Variants in STAP2 observed in about 807,000 individuals in gnomAD.
The protein encoded by STAP2 is signal-transducing adaptor protein 2.
A neutral mutation model predicts 52.7 loss-of-function variants in STAP2; 58 were observed. The observed-to-expected ratio is 1.10, with a 90% CI of 0.89 to 1.37. The LOEUF (loss-of-function observed/expected upper bound fraction) is 1.37. Ranked by LOEUF, STAP2 falls within the 40% of genes most tolerant of loss-of-function variation. The probability of loss-of-function intolerance (pLI) is 0.00; values close to 1 mark genes in which losing one functional copy is unlikely to be tolerated. For synonymous variants in STAP2, 231 were observed against 210.5 expected, an observed-to-expected ratio of 1.10 and a Z score of -0.84; for missense variants, 522 against 519.4, an observed-to-expected ratio of 1.00 and a Z score of -0.05.
In STAP2 at chr19:4,333,822, G is replaced by A. The variant is rs1971931361; in HGVS notation, c.175-6C>T. 4 of 1,613,854 alleles carry A rather than the reference G, an allele frequency of 2.5e-6. No individual in the cohort carries two copies. Among genetic ancestry groups the A allele is most frequent in the South Asian group, 2.2e-5 (2 of 91,058 alleles). On this transcript the variant is annotated splice_polypyrimidine_tract_variant and splice_region_variant and intron_variant, in intron 2 of 12. Transcript: ENST00000594605. The stretch of plus-strand genomic sequence containing the variant: ...AAGTTGAGCTTCTCCACGTGCTGGG[G>A]GCATAGAAGCAGGGGATCTGGGCAC...
intron 11 of STAP2, 125 bp from the exon 12 acceptor site, chr19:4,324,654 A>C: frequency 1.1e-6 from 1 of 927,618 alleles, no homozygotes; most frequent in South Asian, 1.5e-5. Context: ...CAACATGGTG[A>C]AACCCCTTCT....
In STAP2 at chr19:4,325,490, G is replaced by A; in HGVS notation, c.885C>T (p.Asp295=). 1 of 1,612,936 alleles carries A rather than the reference G, an allele frequency of 6.2e-7. No individual in the cohort carries two copies. Among genetic ancestry groups the A allele is most frequent in the Non-Finnish European group, 8.5e-7 (1 of 1,179,456 alleles). The change falls in exon 10 of 13, where the codon GAC becomes GAT. Residue 295 remains aspartate (D), a synonymous_variant. Transcript: ENST00000594605. ...GTAGTGGGGGCAGTGGGGGCAGCTTGTCCTGGCTAGACGCAGGTGACAGCG... is the reference window on the plus strand; with the variant it reads ...GTAGTGGGGGCAGTGGGGGCAGCTTATCCTGGCTAGACGCAGGTGACAGCG... ...PKPLSPASSQ[D]KLPPLPPLPN...
intron 9 of STAP2, among the ~76,000 whole-genome samples, chr19:4,326,427 A>C (rs1489082620): frequency 6.6e-6 from 1 of 152,102 alleles, no homozygotes; most frequent in East Asian, 1.9e-4. Context: ...AAGACCAGAC[A>C]ACCCACGCTA....
rs147865032 is a variant in STAP2, at chr19:4,336,521, C to T, written c.102+2131G>A. Among the ~76,000 whole-genome samples the T allele has an allele frequency of 4.9e-3, 750 of 151,888 alleles. 4 individuals are homozygous for T. The highest frequency in any genetic ancestry group is 0.017 in the African/African-American group (709 of 41,406). On this transcript the variant is annotated intron_variant, in intron 1 of 12. Transcript: ENST00000594605. ...GTAGAGATGGGGTTTCATCATGTGG[C>T]CAGGCTGGTCTTGAACTCCTGACCT... is the stretch of plus-strand genomic sequence containing the variant.
rs776886245 is a variant in STAP2 at position 4,327,076 on chromosome 19, C to A, written c.763+48G>T. On this transcript the variant is annotated intron_variant, in intron 8 of 12. Transcript: ENST00000594605. The stretch of plus-strand genomic sequence containing the variant: ...GCGGCCCGGTCCGTCCGAGCGGGGG[C>A]GGGAGAGGTGAGCACTGGGCCCCCG... 3 of 1,609,702 alleles carry A rather than the reference C, an allele frequency of 1.9e-6. No individual in the cohort carries two copies. In the African/African-American group the frequency reaches 4.0e-5, roughly 22 times the overall value.
In STAP2 at chr19:4,327,007, C is replaced by G. The variant is rs1199931190; in HGVS notation, c.764G>C (p.Gly255Ala). 6.4e-7 allele frequency: 1 copy of G among 1,564,504 alleles called. No individual in the cohort carries two copies. Among genetic ancestry groups the G allele is most frequent in the South Asian group, 1.2e-5 (1 of 86,584 alleles). ...ATTCTCCTTATCGGCTTCCACGTAG[C>G]CTGGAACAGAGAGGGCGGCCTGGAG... ...LLDEDYEKVL[G>A]YVEADKENGE... The change falls in exon 9 of 13, where the codon GGC becomes GCC. Residue 255 changes from glycine to alanine, a missense_variant and splice_region_variant. Coordinates refer to ENST00000594605, the MANE Select transcript of STAP2 (RefSeq NM_001013841.2).
chr19:4,329,007 G>GTTT, intron 5 of STAP2, 198 bp from the exon 6 acceptor site: 5 of 623,566 alleles, frequency 8.0e-6, no homozygotes, highest in South Asian at 2.6e-5. Context: ...GGGGTTTTTT[G>GTTT]TTTTTTTTTT....
chr19:4,328,962 G>T, intron 5 of STAP2, 153 bp from the exon 6 acceptor site: 1 of 1,069,282 alleles, frequency 9.4e-7, no homozygotes, highest in Non-Finnish European at 1.3e-6. Context: ...CTCCCACGGA[G>T]ACCCAGTCCG....
At chr19:4,334,541 C>G (rs1432162117) in intron 1 of STAP2, among the ~76,000 whole-genome samples, 1 of 146,420 alleles carries the variant, frequency 6.8e-6, no homozygotes, top group Non-Finnish European at 1.5e-5. Context: ...CACCCACCCA[C>G]CCATCCACAC....
Position 4,325,382 on chromosome 19 carries a change from T to A in STAP2, c.979+14A>T. 1.2e-6 allele frequency: 2 copies of A among 1,614,076 alleles called. No individual in the cohort carries two copies. ...CCCAACCCCCAGCTCTCAGCAGCTC[T>A]GTTCCCCACCCACCATCTTGGTTCT... On this transcript the variant is annotated intron_variant, in intron 10 of 12. Coordinates refer to ENST00000594605, the MANE Select transcript of STAP2 (RefSeq NM_001013841.2).
intron 3 of STAP2, 80 bp downstream of exon 3, chr19:4,333,614 G>A: frequency 4.6e-6 from 7 of 1,513,390 alleles, no homozygotes; most frequent in African/African-American, 1.4e-5. Flanking sequence ...CCCCTTCGTG[G>A]TTGGCACAAT....
rs568581498 is a variant in STAP2, at chr19:4,330,518, G to A, written c.355-457C>T. Among the ~76,000 whole-genome samples, 13 of 146,240 alleles carry A rather than the reference G, an allele frequency of 8.9e-5. No homozygotes were observed. The South Asian group carries it at 1.1e-3, about 12-fold the overall frequency. On this transcript the variant is annotated intron_variant, in intron 4 of 12. Coordinates refer to ENST00000594605, the MANE Select transcript of STAP2 (RefSeq NM_001013841.2). ...AGCCTGGGTGACAGAGTGAGACTCC[G>A]TTCCCCGCTCCCCAACCCCACCAAA...
At chr19:4,325,150 AAAG>A (rs1340779468) in intron 11 of STAP2, 63 bp downstream of exon 11, 113 of 1,375,268 alleles carry the variant, frequency 8.2e-5, no homozygotes, top group Non-Finnish European at 1.1e-4. Flanking sequence ...AAAAAAAAAA[AAAG>A]TCAGATGAGG....
At chr19:4,332,409 G>A (rs1971908841) in intron 3 of STAP2, among the ~76,000 whole-genome samples, 1 of 150,060 alleles carries the variant, frequency 6.7e-6, no homozygotes, top group Non-Finnish European at 1.5e-5. Context: ...GTCTCGCTTT[G>A]TTGCCAGGCT....
At position 4,324,063 on chromosome 19, in the gene STAP2, T is replaced by C. The variant is rs1177915897; in HGVS notation, c.*70A>G. On this transcript the variant is annotated 3_prime_UTR_variant, in exon 13 of 13. Transcript: ENST00000594605. The stretch of plus-strand genomic sequence containing the variant: ...ATGGGTCCTGGGGTCAGAGTTTTAA[T>C]CCTGGGAAAAAGAATCTGGCCGCTG... The C allele has an allele frequency of 1.3e-6, 2 of 1,500,522 alleles. No individual in the cohort carries two copies. Among genetic ancestry groups the C allele is most frequent in the African/African-American group, 2.8e-5 (2 of 72,008 alleles). 93.0% of individuals were successfully genotyped at this position (1,500,522 alleles called of 1,614,324 possible).
At chr19:4,329,522 C>G (rs1285280977) in intron 5 of STAP2, among the ~76,000 whole-genome samples, 1 of 151,998 alleles carries the variant, frequency 6.6e-6, no homozygotes, top group Non-Finnish European at 1.5e-5. Context: ...ACACCTAGAC[C>G]TTACCCTGGA....
chr19:4,327,395 G>A lies in STAP2; in HGVS notation c.591-10C>T. The A allele has an allele frequency of 6.2e-7, 1 of 1,614,008 alleles. No individual in the cohort carries two copies. Among genetic ancestry groups the A allele is most frequent in the East Asian group, 2.2e-5 (1 of 44,886 alleles). On this transcript the variant is annotated splice_polypyrimidine_tract_variant and intron_variant, in intron 6 of 12. Coordinates refer to ENST00000594605, the MANE Select transcript of STAP2 (RefSeq NM_001013841.2). Reference sequence around the variant, plus strand: ...CCGGACCACGTGCGTCCTGCACCAGGAGAAAGCGAGTGAGTGGCTCAGCCC... The same window carrying A: ...CCGGACCACGTGCGTCCTGCACCAGAAGAAAGCGAGTGAGTGGCTCAGCCC...
chr19:4,325,609 G>T, intron 9 of STAP2, 64 bp from the exon 10 acceptor site: 1 of 1,512,570 alleles, frequency 6.6e-7, no homozygotes, highest in Non-Finnish European at 8.8e-7. Flanking sequence ...CAGGTTGGCG[G>T]GGGGGTCTGT....
In STAP2 at chr19:4,325,508, T is replaced by G; in HGVS notation, c.867A>C (p.Ser289=). The G allele has an allele frequency of 6.2e-7, 1 of 1,609,340 alleles. No individual in the cohort carries two copies. The highest frequency in any genetic ancestry group is 8.5e-7 in the Non-Finnish European group (1 of 1,177,688). Residue 289 remains serine, a synonymous_variant, in exon 10 of 13, where the codon TCA becomes TCC. Coordinates refer to ENST00000594605, the MANE Select transcript of STAP2 (RefSeq NM_001013841.2). ...GCAGCTTGTCCTGGCTAGACGCAGGTGACAGCGGCTTGGGGCCACCTGTGC... is the reference window on the plus strand; with the variant it reads ...GCAGCTTGTCCTGGCTAGACGCAGGGGACAGCGGCTTGGGGCCACCTGTGC... ...APCTGGPKPL[S]PASSQDKLPP...
Sources: allele counts gnomAD v4.1 joint callset (sites outside exome capture counted in the v4.1 genomes callset), GRCh38; gene constraint gnomAD v4.1.1; transcripts MANE v1.5; gene names NCBI Gene and HGNC (gene_info 2026-07-23, HGNC 2026-07-21).